Variants in ZNF326 observed in about 807,000 individuals in gnomAD.
ZNF326 encodes the protein DBIRD complex subunit ZNF326.
ZNF326 carries 30 observed loss-of-function variants against 63.1 expected under a neutral mutation model. That is an observed-to-expected ratio of 0.48 (90% CI 0.36 to 0.64). The LOEUF is 0.64. Ranked by LOEUF, ZNF326 falls within the 30% of genes least tolerant of loss-of-function variation. The pLI is 0.00. For missense variants in ZNF326, 609 were observed against 720.3 expected (o/e 0.85, Z 1.77); for synonymous variants, 194 against 228.2 (o/e 0.85, Z 1.35).
Position 90,013,212 on chromosome 1 carries a change from A to G in ZNF326, c.901A>G (p.Ser301Gly). The G allele has an allele frequency of 1.2e-6, 2 of 1,609,754 alleles. No individual in the cohort carries two copies. The highest frequency in any genetic ancestry group is 1.7e-6 in the Non-Finnish European group (2 of 1,177,844). ...EKQRRRREKNSEKYGDGYRMA... is the reference protein window; with the variant it reads ...EKQRRRREKNGEKYGDGYRMA... ...ACAAAGGCGCAGAAGAGAAAAAAAC[A>G]GTGAGAAATACGGAGATGGATACAG... Residue 301 changes from serine (S) to glycine (G), a missense_variant, in exon 7 of 12, where the codon AGT becomes GGT. Around this residue, in one of 3 missense-constraint regions of ZNF326, gnomAD observed 399 missense variants for 444.3 expected, o/e 0.90. Transcript: ENST00000340281.
At chr1:89,995,378 G>T in intron 1 of ZNF326, 105 bp downstream of exon 1, 2 of 1,392,594 alleles carry the variant, frequency 1.4e-6, no homozygotes, top group Non-Finnish European at 1.9e-6. Flanking sequence ...TTTGTTCTGC[G>T]GGCCCGGAGG....
In ZNF326 at chr1:89,998,153, T is replaced by C; in HGVS notation, c.60T>C (p.Asn20=). Residue 20 remains asparagine (N), a splice_region_variant and synonymous_variant, in exon 2 of 12, where the codon AAT becomes AAC. Coordinates refer to ENST00000340281, the MANE Select transcript of ZNF326 (RefSeq NM_182976.4). ...SACRNTYQGF[N]GMDRDYGPGS... ...GCAGGAATACTTATCAGGGCTTTAATGGTAAGTATCCTCTTTCAGCTTTTC... is the reference window on the plus strand; with the variant it reads ...GCAGGAATACTTATCAGGGCTTTAACGGTAAGTATCCTCTTTCAGCTTTTC... 6.2e-7 allele frequency: 1 copy of C among 1,613,168 alleles called. No homozygotes were observed. The highest frequency in any genetic ancestry group is 8.5e-7 in the Non-Finnish European group (1 of 1,179,836).
At chr1:89,998,399 T>TCCAAA (rs1407878806) in intron 2 of ZNF326, among the ~76,000 whole-genome samples, 1 of 152,214 alleles carries the variant, frequency 6.6e-6, no homozygotes, top group African/African-American at 2.4e-5. Flanking sequence ...TTTAATGTGT[T>TCCAAA]CCAAAGGGCC....
In ZNF326 at chr1:89,998,130, A is replaced by G. The variant is rs1254746603; in HGVS notation, c.37A>G (p.Arg13Gly). The change falls in exon 2 of 12, where the codon AGG becomes GGG. Residue 13 changes from arginine (R) to glycine (G), a missense_variant. Physicochemically the swap from Arg to Gly is moderately radical, Grantham distance 125. Transcript: ENST00000340281. Reference sequence around the variant, plus strand: ...CATAGATTACACACACTCCGCCTGCAGGAATACTTATCAGGGCTTTAATGG... The same window carrying G: ...CATAGATTACACACACTCCGCCTGCGGGAATACTTATCAGGGCTTTAATGG... Reference protein sequence around the residue: ...FEDDYTHSACRNTYQGFNGMD... With the variant: ...FEDDYTHSACGNTYQGFNGMD... 1 of 1,613,410 alleles carries G rather than the reference A, an allele frequency of 6.2e-7. No individual in the cohort carries two copies. The highest frequency in any genetic ancestry group is 8.5e-7 in the Non-Finnish European group (1 of 1,179,874).
At chr1:89,995,622 C>T (rs1012866089) in intron 1 of ZNF326, among the ~76,000 whole-genome samples, 1 of 152,254 alleles carries the variant, frequency 6.6e-6, no homozygotes, top group Non-Finnish European at 1.5e-5. Context: ...CGGGCGAGTG[C>T]GGCCTCACCC....
chr1:90,019,998 C>G (rs2101085960), intron 9 of ZNF326, among the ~76,000 whole-genome samples: 1 of 152,220 alleles, frequency 6.6e-6, no homozygotes, highest in Middle Eastern at 3.4e-3. Context: ...CATCAATTCT[C>G]TTTTAAACAT....
intron 6 of ZNF326, among the ~76,000 whole-genome samples, chr1:90,012,394 T>C (rs1649294105): frequency 6.6e-6 from 1 of 152,186 alleles, no homozygotes; most frequent in South Asian, 2.1e-4. Flanking sequence ...ATACTTAGAA[T>C]AGGCAAATCC....
intron 5 of ZNF326, among the ~76,000 whole-genome samples, chr1:90,009,048 T>G (rs539825819): frequency 1.6e-4 from 25 of 152,318 alleles, no homozygotes; most frequent in African/African-American, 6.0e-4. Flanking sequence ...TTTGAAAATT[T>G]GGAAAACACT....
At chr1:90,006,585 T>C (rs1336378250) in intron 4 of ZNF326, 18 of 597,838 alleles carry the variant, frequency 3.0e-5, no homozygotes, top group Non-Finnish European at 3.6e-5. Flanking sequence ...AAGGAAATAA[T>C]TTTGCAAATA....
At chr1:90,019,200 C>T (rs972108590) in intron 9 of ZNF326, among the ~76,000 whole-genome samples, 1 of 151,702 alleles carries the variant, frequency 6.6e-6, no homozygotes, top group African/African-American at 2.4e-5. Flanking sequence ...ACTAACCAAA[C>T]AAAAAACAGC....
Position 90,020,927 on chromosome 1 carries a change from A to G in ZNF326, c.1305+5A>G, listed in dbSNP as rs1002277092. 3 of 1,611,102 alleles carry G rather than the reference A, an allele frequency of 1.9e-6. No individual in the cohort carries two copies. Among genetic ancestry groups the G allele is most frequent in the Non-Finnish European group, 2.5e-6 (3 of 1,178,708 alleles). On this transcript the variant is annotated splice_donor_5th_base_variant and intron_variant, in intron 10 of 11. Transcript: ENST00000340281. Reference sequence around the variant, plus strand: ...GATCATATCAAAGGGAAGCAGGTAAAATTTTCATCTGTCTTAATAAAGTTG... The same window carrying G: ...GATCATATCAAAGGGAAGCAGGTAAGATTTTCATCTGTCTTAATAAAGTTG...
chr1:90,021,599 C>A (rs566791146), intron 10 of ZNF326, among the ~76,000 whole-genome samples: 1 of 152,128 alleles, frequency 6.6e-6, no homozygotes, highest in East Asian at 1.9e-4. Flanking sequence ...TCAGACAATA[C>A]AAATGTTTAT....
chr1:90,027,097 T>A (rs1366857027), intron 11 of ZNF326, among the ~76,000 whole-genome samples: 1 of 151,812 alleles, frequency 6.6e-6, no homozygotes. Flanking sequence ...GTATGATTAT[T>A]TAGAAATACA....
Position 90,010,298 on chromosome 1 carries a change from A to C in ZNF326, c.814+12A>C. ...CAGCAAATCACCCAGTAAGTAAGAA[A>C]ACATAATTGCTATGATTCAGGATAC... On this transcript the variant is annotated intron_variant, in intron 6 of 11. Coordinates refer to ENST00000340281, the MANE Select transcript of ZNF326 (RefSeq NM_182976.4). 1 of 1,609,736 alleles carries C rather than the reference A, an allele frequency of 6.2e-7. No individual in the cohort carries two copies. Among genetic ancestry groups the C allele is most frequent in the Non-Finnish European group, 8.5e-7 (1 of 1,178,334 alleles).
chr1:90,005,296 ATATAT>A (rs1434071725), intron 4 of ZNF326, 52 bp downstream of exon 4: 1 of 1,580,942 alleles, frequency 6.3e-7, no homozygotes, highest in East Asian at 2.2e-5. Flanking sequence ...AAGATTTTGG[ATATAT>A]TATTTTAAGT....
intron 7 of ZNF326, among the ~76,000 whole-genome samples, chr1:90,014,164 A>AT (rs1404418448): frequency 6.6e-6 from 1 of 152,190 alleles, no homozygotes; most frequent in Non-Finnish European, 1.5e-5. Context: ...GTAAAAAAAA[A>AT]ATGAAATTAC....
chr1:90,032,588 C>A lies in ZNF326; in HGVS notation c.*4887C>A, dbSNP rs965523952. 7.2e-5 allele frequency: 11 copies of A among 152,056 alleles called. No individual in the cohort carries two copies. The highest frequency in any genetic ancestry group is 2.2e-4 in the African/African-American group (9 of 41,400). The allele number at this position is 152,056 out of a possible 1,614,324, so 9.4% of individuals were successfully genotyped here. On this transcript the variant is annotated 3_prime_UTR_variant, in exon 12 of 12. Transcript: ENST00000340281. ...TGCTGTGAAATATTTCTAGAAGATA[C>A]AAAACAAGGAATTAGATCTTGGTGA...
At position 90,010,198 on chromosome 1, in the gene ZNF326, G is replaced by T; in HGVS notation, c.726G>T (p.Met242Ile). 1 of 1,613,904 alleles carries T rather than the reference G, an allele frequency of 6.2e-7. No homozygotes were observed. Among genetic ancestry groups the T allele is most frequent in the Non-Finnish European group, 8.5e-7 (1 of 1,179,864 alleles). ...AAARGIKRKM[M>I]QPFNKPSGTF... Reference sequence around the variant, plus strand: ...CAAGAGGAATAAAGAGAAAAATGATGCAGCCATTTAATAAGCCCAGTGGAA... The same window carrying T: ...CAAGAGGAATAAAGAGAAAAATGATTCAGCCATTTAATAAGCCCAGTGGAA... The change falls in exon 6 of 12, where the codon ATG becomes ATT. Residue 242 changes from methionine (M) to isoleucine (I), a missense_variant. Met to Ile is a conservative substitution (Grantham distance 10). Around this residue, in one of 3 missense-constraint regions of ZNF326, gnomAD observed 399 missense variants for 444.3 expected, o/e 0.90. Coordinates refer to ENST00000340281, the MANE Select transcript of ZNF326 (RefSeq NM_182976.4).
Position 90,027,747 on chromosome 1 carries a change from T to G in ZNF326, c.*46T>G, listed in dbSNP as rs1315057371. ...AAGGAGCTTTACATTTCGGTTCTAA[T>G]GTAAAAAAGGGTAAGAAATTTAATA... is the stretch of plus-strand genomic sequence containing the variant. On this transcript the variant is annotated 3_prime_UTR_variant, in exon 12 of 12. Transcript: ENST00000340281. The G allele has an allele frequency of 6.3e-7, 1 of 1,582,542 alleles. No individual in the cohort carries two copies. The highest frequency in any genetic ancestry group is 1.4e-5 in the African/African-American group (1 of 73,814).
Sources: allele counts gnomAD v4.1 joint callset (sites outside exome capture counted in the v4.1 genomes callset), GRCh38; gene constraint gnomAD v4.1.1; regional missense constraint gnomAD v4.1.1; transcripts MANE v1.5; gene names NCBI Gene and HGNC (gene_info 2026-07-23, HGNC 2026-07-21).